MYH6: variants seen among roughly 807,000 people sequenced by gnomAD.
The protein encoded by MYH6 is myosin-6.
A neutral mutation model predicts 223.2 loss-of-function variants in MYH6; 126 were observed. The ratio of observed to expected loss-of-function variants is 0.56; its 90% CI spans 0.49 to 0.65. The LOEUF (loss-of-function observed/expected upper bound fraction) is 0.65, where lower values mean the gene tolerates loss of function less well. MYH6 is among the 30% of genes least tolerant of loss of function. The pLI is 0.00. For missense variants in MYH6, 2,040 were observed against 2,536.4 expected (o/e 0.80, Z 4.20); for synonymous variants, 978 against 1,010.2 (o/e 0.97, Z 0.61).
At chr14:23,394,396 A>G (rs1891333944) in intron 20 of MYH6, 73 bp from the exon 21 acceptor site, 1 of 1,592,210 alleles carries the variant, frequency 6.3e-7, no homozygotes, top group Non-Finnish European at 8.6e-7. Flanking sequence ...CTACTAAGCA[A>G]GTTCGTAGGC....
In MYH6 at chr14:23,403,444, G is replaced by A. The variant is rs1225893764; in HGVS notation, c.802C>T (p.Leu268=). The change falls in exon 10 of 39, where the codon CTG becomes TTG. Residue 268 remains leucine, a splice_region_variant and synonymous_variant. Coordinates refer to ENST00000405093, the MANE Select transcript of MYH6 (RefSeq NM_002471.4). ...AAGATCACCCGGGACTTCTCCAGCA[G>A]GTCTGAGGTGGGTGGAGGGGAGGAA... The part of the protein sequence containing the change: ...KLASADIETY[L]LEKSRVIFQL... 62 of 1,613,604 alleles carry A rather than the reference G, an allele frequency of 3.8e-5. No homozygotes were observed. Among genetic ancestry groups the A allele is most frequent in the Non-Finnish European group, 5.1e-5 (60 of 1,179,532 alleles).
intron 34 of MYH6, 118 bp from the exon 35 acceptor site, chr14:23,385,159 T>C (rs1890983670): frequency 1.6e-6 from 2 of 1,243,870 alleles, no homozygotes; most frequent in East Asian, 4.8e-5. Context: ...ACAAGCCCAC[T>C]TTTAGACTAT....
At chr14:23,392,746 C>A (rs1891271955) in intron 24 of MYH6, 94 bp from the exon 25 acceptor site, 3 of 1,438,254 alleles carry the variant, frequency 2.1e-6, no homozygotes, top group East Asian at 2.3e-5. Context: ...AGAATCGGCA[C>A]CTCCCCCTCC....
At position 23,383,339 on chromosome 14, in the gene MYH6, G is replaced by GGGGGGGGGCCCCCCCCCCCC; in HGVS notation, c.5566-20_5566-19insGGGGGGGGGGGGCCCCCCCC. 9.2e-6 allele frequency: 1 copy of GGGGGGGGGCCCCCCCCCCCC among 108,164 alleles called. No individual in the cohort carries two copies. The highest frequency in any genetic ancestry group is 1.8e-5 in the Non-Finnish European group (1 of 54,360). 6.7% of individuals were successfully genotyped at this position (108,164 alleles called of 1,614,324 possible). On this transcript the variant is annotated intron_variant, in intron 36 of 38. Transcript: ENST00000405093. ...CCTCTGTCTGGGGGTGGGAGGGTGG[G>GGGGGGGGGCCCCCCCCCCCC]AGAAGCTGGTTTGGAGGGGGAGCAA...
Position 23,404,763 on chromosome 14 carries a change from C to T in MYH6, c.590G>A (p.Ser197Asn), listed in dbSNP as rs745642166. ...NTKRVIQYFA[S>N]IAAIGDRGKK... is the part of the protein sequence containing the mutation. ...GCCACGGTCACCTATGGCTGCAATGCTGGCAAAGTACTGGATGACACGCTT... is the reference window on the plus strand; with the variant it reads ...GCCACGGTCACCTATGGCTGCAATGTTGGCAAAGTACTGGATGACACGCTT... Residue 197 changes from serine (S) to asparagine (N), a missense_variant, in exon 7 of 39, where the codon AGC (serine) becomes AAC (asparagine). Physicochemically the swap from Ser to Asn is conservative, Grantham distance 46. Around this residue, in one of 4 missense-constraint regions of MYH6, gnomAD observed 649 missense variants for 877.3 expected, o/e 0.74. Coordinates refer to ENST00000405093, the MANE Select transcript of MYH6 (RefSeq NM_002471.4). The T allele has an allele frequency of 4.3e-6, 7 of 1,614,206 alleles. 1 individual carries two copies. In the South Asian group the frequency reaches 7.7e-5, roughly 18 times the overall value.
chr14:23,382,660 C>A (rs1890895513), intron 37 of MYH6, 98 bp from the exon 38 acceptor site: 1 of 1,553,512 alleles, frequency 6.4e-7, no homozygotes, highest in Non-Finnish European at 8.9e-7. Context: ...CCCTGAGGCA[C>A]CCATACCTCA....
In MYH6 at chr14:23,392,684, C is replaced by T. The variant is rs377181044; in HGVS notation, c.3252-32G>A. The T allele has an allele frequency of 4.1e-6, 6 of 1,468,256 alleles. No individual in the cohort carries two copies. In the African/African-American group the frequency reaches 8.4e-5, roughly 21 times the overall value. The allele number at this position is 1,468,256 out of a possible 1,614,324, so 91.0% of individuals were successfully genotyped here. A position where few individuals can be genotyped will look rare whatever the true frequency, so the allele number is the denominator to read the frequency against. On this transcript the variant is annotated intron_variant, in intron 24 of 38. Coordinates refer to ENST00000405093, the MANE Select transcript of MYH6 (RefSeq NM_002471.4). The stretch of plus-strand genomic sequence containing the variant: ...GAGAAGGGTGGGGGTGGGGGAGTGA[C>T]AGGTAGCCTTCCTTCCTCTGGGGCT...
chr14:23,387,966 C>A, intron 30 of MYH6, 43 bp from the exon 31 acceptor site: 1 of 1,610,418 alleles, frequency 6.2e-7, no homozygotes, highest in Non-Finnish European at 8.5e-7. Context: ...CCAGCCTTAG[C>A]TCCCCAGCCC....
intron 28 of MYH6, 89 bp downstream of exon 28, chr14:23,389,304 C>A (rs1891151846): frequency 6.8e-7 from 1 of 1,466,808 alleles, no homozygotes; most frequent in Non-Finnish European, 9.5e-7. Flanking sequence ...GCAGAGGACT[C>A]TTTCCAGCTC....
intron 12 of MYH6, among the ~76,000 whole-genome samples, chr14:23,401,861 A>C (rs1835913811): frequency 6.6e-6 from 1 of 152,226 alleles, no homozygotes; most frequent in Non-Finnish European, 1.5e-5. Flanking sequence ...AGAATGTTGT[A>C]ATAACTGTTG....
Position 23,393,787 on chromosome 14 carries a change from G to A in MYH6, c.2807C>T (p.Ala936Val), listed in dbSNP as rs199838024. The stretch of plus-strand genomic sequence containing the variant: ...CTTGCGCTTCTTGGCAGTGAGCTCC[G>A]CGTTCATCTCCTCCTCATCCTCCAG... ...ERLEDEEEMNAELTAKKRKLE... is the reference protein window; with the variant it reads ...ERLEDEEEMNVELTAKKRKLE... The change falls in exon 22 of 39, where the codon GCG (alanine) becomes GTG (valine). Residue 936 changes from alanine (A) to valine (V), a missense_variant. Physicochemically the swap from Ala to Val is moderately conservative, Grantham distance 64. This residue lies in a region of MYH6 where 1,203 missense variants were observed against 1,400.2 expected (regional missense o/e 0.86). Transcript: ENST00000405093. 432 of 1,614,182 alleles carry A rather than the reference G, an allele frequency of 2.7e-4. 1 individual carries two copies. The highest frequency in any genetic ancestry group is 6.4e-5 in the Non-Finnish European group (76 of 1,180,040).
At position 23,407,001 on chromosome 14, in the gene MYH6, C is replaced by G; in HGVS notation, c.201+22G>C. 1 of 1,612,198 alleles carries G rather than the reference C, an allele frequency of 6.2e-7. No homozygotes were observed. The highest frequency in any genetic ancestry group is 1.1e-5 in the South Asian group (1 of 90,970). On this transcript the variant is annotated intron_variant, in intron 3 of 38. Coordinates refer to ENST00000405093, the MANE Select transcript of MYH6 (RefSeq NM_002471.4). This position sits in a 1 kb window ranked among gnomAD's most constrained non-coding sequence, Gnocchi z 5.6. The stretch of plus-strand genomic sequence containing the variant: ...TTTCCCAGACCTCCTTCCCTTCTGC[C>G]CCGGCGCCATGCCCTACTCACCTTC...
Position 23,405,153 on chromosome 14 carries a change from T to C in MYH6, c.503-26A>G, listed in dbSNP as rs1891743294. On this transcript the variant is annotated intron_variant, in intron 5 of 38. Coordinates refer to ENST00000405093, the MANE Select transcript of MYH6 (RefSeq NM_002471.4). This position sits in a 1 kb window ranked among gnomAD's most constrained non-coding sequence, Gnocchi z 4.7. ...CTGGAAGAAAAAAGAGGAGAAGCAA[T>C]GGGGTCAGGGCTGAGGATCTGGGTG... 6.2e-7 allele frequency: 1 copy of C among 1,613,758 alleles called. No homozygotes were observed. Among genetic ancestry groups the C allele is most frequent in the South Asian group, 1.1e-5 (1 of 91,048 alleles).
Position 23,396,774 on chromosome 14 carries a change from T to C in MYH6, c.2212A>G (p.Ile738Val), listed in dbSNP as rs1401647299. 3 of 1,613,872 alleles carry C rather than the reference T, an allele frequency of 1.9e-6. No individual in the cohort carries two copies. Among genetic ancestry groups the C allele is most frequent in the Admixed American group, 1.7e-5 (1 of 60,006 alleles). The change falls in exon 19 of 39, where the codon ATT (isoleucine) becomes GTT (valine). Residue 738 changes from isoleucine (I) to valine (V), a missense_variant. Ile to Val is a conservative substitution (Grantham distance 29, BLOSUM62 3). Transcript: ENST00000405093. The part of the protein sequence containing the change: ...NPVAIPEGQF[I>V]DSRKGTEKLL... The stretch of plus-strand genomic sequence containing the variant: ...TTCTCTGTCCCCTTCCTGCTATCAA[T>C]GAACTGTCCCTCAGGGATGGCCACT...
chr14:23,396,916 G>C, intron 18 of MYH6, 47 bp downstream of exon 18: 1 of 1,612,466 alleles, frequency 6.2e-7, no homozygotes, highest in African/African-American at 1.3e-5. Context: ...CATCAGGGCA[G>C]CCTGGCTCCC....
rs574971402 is a variant in MYH6, at chr14:23,387,660, A to C, written c.4526-7T>G. The C allele has an allele frequency of 1.2e-6, 2 of 1,613,972 alleles. No homozygotes were observed. The highest frequency in any genetic ancestry group is 2.7e-5 in the African/African-American group (2 of 74,976). On this transcript the variant is annotated splice_polypyrimidine_tract_variant and splice_region_variant and intron_variant, in intron 31 of 38. Transcript: ENST00000405093. ...GTAAGGTCCGAGATTTCCTCTGGGG[A>C]CCAGAGGGCCAGAAAGCTCAAAGCC...
intron 35 of MYH6, 94 bp downstream of exon 35, chr14:23,384,822 C>T: frequency 6.2e-7 from 1 of 1,613,264 alleles, no homozygotes; most frequent in Non-Finnish European, 8.5e-7. Flanking sequence ...CACAGAACTG[C>T]AGAGTTGGCT....
In MYH6 at chr14:23,403,749, G is replaced by C; in HGVS notation, c.765C>G (p.Ala255=). 1 of 1,613,010 alleles carries C rather than the reference G, an allele frequency of 6.2e-7. No homozygotes were observed. The highest frequency in any genetic ancestry group is 8.5e-7 in the Non-Finnish European group (1 of 1,179,496). The change falls in exon 9 of 39, where the codon GCC becomes GCG. Residue 255 remains alanine, a synonymous_variant. Coordinates refer to ENST00000405093, the MANE Select transcript of MYH6 (RefSeq NM_002471.4). ...FGKFIRIHFG[A]TGKLASADIE... ...TGTCTGCAGAAGCCAGCTTTCCAGT[G>C]GCCCCAAAGTGGATCCTAATGAATT...
rs762320895 is a variant in MYH6, at chr14:23,389,344, T to C, written c.3978+49A>G. ...CTCCATTTCTGGCACTGAGATGAATTGCCCCAGGGCTGCCATCAAGCCTGC... is the reference window on the plus strand; with the variant it reads ...CTCCATTTCTGGCACTGAGATGAATCGCCCCAGGGCTGCCATCAAGCCTGC... On this transcript the variant is annotated intron_variant, in intron 28 of 38. Coordinates refer to ENST00000405093, the MANE Select transcript of MYH6 (RefSeq NM_002471.4). The C allele has an allele frequency of 1.9e-6, 3 of 1,586,192 alleles. No individual in the cohort carries two copies. In the South Asian group the frequency reaches 3.3e-5, roughly 18 times the overall value.
Sources: allele counts gnomAD v4.1 joint callset (sites outside exome capture counted in the v4.1 genomes callset), GRCh38; gene constraint gnomAD v4.1.1; regional missense constraint gnomAD v4.1.1; non-coding constraint Gnocchi (gnomAD v3.1); transcripts MANE v1.5; gene names NCBI Gene and HGNC (gene_info 2026-07-23, HGNC 2026-07-21).